The following ITCH variants were observed in gnomAD, a reference collection of about 807,000 sequenced individuals.
ITCH encodes itchy E3 ubiquitin protein ligase.
A neutral mutation model predicts 126.8 loss-of-function variants in ITCH; 28 were observed. The observed-to-expected ratio is 0.22, with a 90% CI of 0.16 to 0.30. ITCH has a LOEUF of 0.30. Among genes scored for constraint, ITCH ranks in the 10% least tolerant of loss-of-function variants. ITCH has a pLI of 1.00. For synonymous variants in ITCH, 342 were observed against 340.0 expected (o/e 1.01, Z -0.06); for missense variants, 631 against 1,032.4 (o/e 0.61, Z 5.33).
chr20:34,375,098 A>G (rs1020890141), intron 2 of ITCH, among the ~76,000 whole-genome samples: 2 of 139,178 alleles, frequency 1.4e-5, no homozygotes, highest in South Asian at 2.3e-4. Context: ...CTGGAGTGCA[A>G]TGGCGCAATC....
intron 7 of ITCH, among the ~76,000 whole-genome samples, chr20:34,427,585 G>A (rs1981716901): frequency 6.6e-6 from 1 of 152,116 alleles, no homozygotes; most frequent in Admixed American, 6.6e-5. Context: ...TGTACTCAGA[G>A]TGATGACAGT....
At chr20:34,382,117 G>C (rs571000113) in intron 2 of ITCH, among the ~76,000 whole-genome samples, 1 of 152,260 alleles carries the variant, frequency 6.6e-6, no homozygotes, top group East Asian at 1.9e-4. Flanking sequence ...TCTTGGGATA[G>C]AATGCTAAGG....
intron 20 of ITCH, 46 bp from the exon 21 acceptor site, chr20:34,489,220 A>G: frequency 3.8e-6 from 6 of 1,561,004 alleles, no homozygotes; most frequent in African/African-American, 1.4e-5. Context: ...GAATTTAAAG[A>G]TAAGATCTAA....
At position 34,437,850 on chromosome 20, in the gene ITCH, T is replaced by C. The variant is rs1473138930; in HGVS notation, c.522-624T>C. Among the ~76,000 whole-genome samples, 3 of 152,232 alleles carry C rather than the reference T, an allele frequency of 2.0e-5. No individual in the cohort carries two copies. The East Asian group carries it at 5.8e-4, about 29-fold the overall frequency. On this transcript the variant is annotated intron_variant, in intron 7 of 24. Coordinates refer to ENST00000374864, the MANE Select transcript of ITCH (RefSeq NM_031483.7). ...CTTTCAGTCTGACATTTCCTGTTAG[T>C]GTTCTTCCCTCCTTTCTATCCCTCC... is the stretch of plus-strand genomic sequence containing the variant.
chr20:34,492,803 A>G (rs1393491510), intron 23 of ITCH, among the ~76,000 whole-genome samples: 3 of 152,250 alleles, frequency 2.0e-5, no homozygotes, highest in South Asian at 2.1e-4. Flanking sequence ...TAGAACCCAC[A>G]GCTAACTCAT....
intron 1 of ITCH, among the ~76,000 whole-genome samples, chr20:34,365,567 A>C (rs1472105331): frequency 2.6e-5 from 4 of 151,954 alleles, no homozygotes; most frequent in Admixed American, 1.3e-4. Context: ...GGCGCGTGCC[A>C]CCACTCCCGG....
rs1979203455 is a variant in ITCH, at chr20:34,412,647, T to C, written c.337+8T>C. 2 of 1,601,410 alleles carry C rather than the reference T, an allele frequency of 1.2e-6. No individual in the cohort carries two copies. The highest frequency in any genetic ancestry group is 1.7e-6 in the Non-Finnish European group (2 of 1,169,184). ...AGTCAAACAATATGAAACGTATGTA[T>C]GTAAGACTAATAGAAATTGCACTTA... On this transcript the variant is annotated splice_region_variant and intron_variant, in intron 5 of 24. Coordinates refer to ENST00000374864, the MANE Select transcript of ITCH (RefSeq NM_031483.7).
chr20:34,492,446 A>G, intron 22 of ITCH, 55 bp from the exon 23 acceptor site: 1 of 1,059,488 alleles, frequency 9.4e-7, no homozygotes, highest in Non-Finnish European at 1.5e-6. Flanking sequence ...TTTCTTGTTT[A>G]GTGTGCTGAA....
intron 2 of ITCH, among the ~76,000 whole-genome samples, chr20:34,390,863 T>C (rs1159503573): frequency 6.6e-6 from 1 of 152,082 alleles, no homozygotes; most frequent in Admixed American, 6.6e-5. Context: ...GCGATTCTCC[T>C]GCCTCAGACT....
rs181003518 is a variant in ITCH at position 34,465,548 on chromosome 20, A to G, written c.1424+3327A>G. ...CATCTTAACAATATTAAGTCTTCCA[A>G]TCCATGAATGTGGATATCTTTGTGT... On this transcript the variant is annotated intron_variant, in intron 14 of 24. Coordinates refer to ENST00000374864, the MANE Select transcript of ITCH (RefSeq NM_031483.7). Among the ~76,000 whole-genome samples the G allele has an allele frequency of 2.4e-3, 367 of 152,246 alleles. 1 individual carries two copies. Among genetic ancestry groups the G allele is most frequent in the Non-Finnish European group, 4.5e-3 (305 of 68,026 alleles).
chr20:34,480,791 T>C (rs1394919481), intron 19 of ITCH, 59 bp downstream of exon 19: 59 of 1,341,304 alleles, frequency 4.4e-5, no homozygotes, highest in Non-Finnish European at 6.1e-5. Flanking sequence ...CCGTGTAGTA[T>C]TGATAACTTA....
chr20:34,373,081 T>C (rs1295355924), intron 2 of ITCH, among the ~76,000 whole-genome samples: 1 of 151,896 alleles, frequency 6.6e-6, no homozygotes, highest in Non-Finnish European at 1.5e-5. Context: ...TTCAAGCGAT[T>C]CTCCTGCCTG....
At chr20:34,492,180 C>G (rs1467037564) in intron 22 of ITCH, among the ~76,000 whole-genome samples, 1 of 152,062 alleles carries the variant, frequency 6.6e-6, no homozygotes, top group Non-Finnish European at 1.5e-5. Flanking sequence ...TGGAAATGGC[C>G]CTCCATCCAT....
Position 34,479,781 on chromosome 20 carries a change from A to G in ITCH, c.1810A>G (p.Ile604Val). The change falls in exon 18 of 25, where the codon ATT (isoleucine) becomes GTT (valine). Residue 604 changes from isoleucine (I) to valine (V), a missense_variant. This residue lies in a region of ITCH where 390 missense variants were observed against 731.6 expected (regional missense o/e 0.53). Coordinates refer to ENST00000374864, the MANE Select transcript of ITCH (RefSeq NM_031483.7). ...LKYFRFIGRF[I>V]AMALFHGKFI... ...ATATTTTCGTTTTATTGGCAGATTT[A>G]TTGCCATGGTAAGTGCAGGTCAAGA... 1.2e-6 allele frequency: 2 copies of G among 1,613,586 alleles called. No homozygotes were observed. Among genetic ancestry groups the G allele is most frequent in the Non-Finnish European group, 1.7e-6 (2 of 1,179,784 alleles).
intron 2 of ITCH, among the ~76,000 whole-genome samples, chr20:34,391,265 G>A (rs746212952): frequency 3.9e-5 from 6 of 152,090 alleles, no homozygotes; most frequent in Admixed American, 6.6e-5. Context: ...CTATGACCAC[G>A]TACTTGAGTA....
intron 2 of ITCH, among the ~76,000 whole-genome samples, chr20:34,387,481 A>G (rs1355799977): frequency 6.6e-6 from 1 of 151,916 alleles, no homozygotes; most frequent in Admixed American, 6.6e-5. Context: ...CCTGTAAAAA[A>G]TTAGATGGGC....
At chr20:34,480,787 A>G in intron 19 of ITCH, 55 bp downstream of exon 19, 1 of 1,370,430 alleles carries the variant, frequency 7.3e-7, no homozygotes, top group Non-Finnish European at 1.0e-6. Flanking sequence ...CATTCCGTGT[A>G]GTATTGATAA....
At chr20:34,478,560 G>C (rs1022004154) in intron 17 of ITCH, among the ~76,000 whole-genome samples, 1 of 152,072 alleles carries the variant, frequency 6.6e-6, no homozygotes, top group Non-Finnish European at 1.5e-5. Context: ...ATCTTTTTCT[G>C]CTCTCAATAG....
In ITCH at chr20:34,509,996, G is replaced by A; in HGVS notation, c.*2202G>A. The A allele has an allele frequency of 6.6e-6, 1 of 152,476 alleles. No individual in the cohort carries two copies. The highest frequency in any genetic ancestry group is 6.6e-5 in the Admixed American group (1 of 15,258). 9.4% of individuals were successfully genotyped at this position (152,476 alleles called of 1,614,324 possible). On this transcript the variant is annotated 3_prime_UTR_variant, in exon 25 of 25. Transcript: ENST00000374864. ...GAAAATATATAAATATCACCCAAAA[G>A]GCTTTCTGCCCTATATTTTTAAAAT... is the stretch of plus-strand genomic sequence containing the variant.
Sources: allele counts gnomAD v4.1 joint callset (sites outside exome capture counted in the v4.1 genomes callset), GRCh38; gene constraint gnomAD v4.1.1; regional missense constraint gnomAD v4.1.1; transcripts MANE v1.5; gene names NCBI Gene and HGNC (gene_info 2026-07-23, HGNC 2026-07-21).